Variants in PAN3 observed in about 807,000 individuals in gnomAD.
PAN3 encodes poly(A) specific ribonuclease subunit PAN3, also known as PAN2-PAN3 deadenylation complex subunit PAN3.
A neutral mutation model predicts 96.2 loss-of-function variants in PAN3; 19 were observed. That is an observed-to-expected ratio of 0.20 (90% CI 0.14 to 0.29). The LOEUF is 0.29. Among genes scored for constraint, PAN3 ranks in the 10% least tolerant of loss-of-function variants. The pLI is 1.00. For synonymous variants in PAN3, 433 were observed against 406.6 expected (o/e 1.06, Z -0.78); for missense variants, 882 against 1,108.1 (o/e 0.80, Z 2.90).
At chr13:28,215,009 G>T in intron 5 of PAN3, 1 of 1,247,922 alleles carries the variant, frequency 8.0e-7, no homozygotes, top group South Asian at 1.2e-5. Context: ...ACAGCCAGAA[G>T]AGATATGAGG....
chr13:28,261,435 A>G lies in PAN3; in HGVS notation c.1388A>G (p.Gln463Arg). ...LINRHLITMA[Q>R]IDQADMPAVP... ...AACAGACATTTAATAACAATGGCTC[A>G]AATTGATCAAGCAGATATGCCAGGT... is the stretch of plus-strand genomic sequence containing the variant. Residue 463 changes from glutamine to arginine, a missense_variant, in exon 9 of 19, where the codon CAA becomes CGA. Gln to Arg is a conservative substitution (Grantham distance 43, BLOSUM62 1). Transcript: ENST00000380958. 1 of 1,611,192 alleles carries G rather than the reference A, an allele frequency of 6.2e-7. No individual in the cohort carries two copies. The highest frequency in any genetic ancestry group is 1.1e-5 in the South Asian group (1 of 90,694).
At chr13:28,211,765 A>G (rs1421340316) in intron 5 of PAN3, among the ~76,000 whole-genome samples, 1 of 152,240 alleles carries the variant, frequency 6.6e-6, no homozygotes, top group Non-Finnish European at 1.5e-5. Flanking sequence ...GAACAAAAAC[A>G]TATGTAACAG....
At chr13:28,211,455 C>T (rs769728655) in intron 5 of PAN3, among the ~76,000 whole-genome samples, 1 of 152,076 alleles carries the variant, frequency 6.6e-6, no homozygotes, top group Non-Finnish European at 1.5e-5. Context: ...TTGAACTGTG[C>T]GTGTGACATG....
intron 1 of PAN3, among the ~76,000 whole-genome samples, chr13:28,165,093 A>G (rs1387683114): frequency 6.6e-6 from 1 of 152,118 alleles, no homozygotes; most frequent in East Asian, 1.9e-4. Context: ...TTTTTAGTAG[A>G]GACGGGGTTT....
chr13:28,184,376 G>C (rs1876192577), intron 4 of PAN3, among the ~76,000 whole-genome samples: 1 of 152,100 alleles, frequency 6.6e-6, no homozygotes, highest in Admixed American at 6.6e-5. Context: ...AAGTTTGAGA[G>C]ATCAAGTAAT....
intron 1 of PAN3, among the ~76,000 whole-genome samples, chr13:28,149,654 C>G (rs779741553): frequency 6.6e-6 from 1 of 152,108 alleles, no homozygotes; most frequent in Non-Finnish European, 1.5e-5. Context: ...CTCTGTCACC[C>G]AGGCTATAGT....
chr13:28,190,321 C>T (rs1296666404), intron 4 of PAN3, among the ~76,000 whole-genome samples: 1 of 152,124 alleles, frequency 6.6e-6, no homozygotes, highest in Admixed American at 6.5e-5. Context: ...TAGCCCACTG[C>T]AGCTTTGAAT....
In PAN3 at chr13:28,293,866, T is replaced by G. The variant is rs2138785196; in HGVS notation, c.*1344T>G. 1 of 152,758 alleles carries G rather than the reference T, an allele frequency of 6.5e-6. No individual in the cohort carries two copies. The highest frequency in any genetic ancestry group is 2.1e-4 in the South Asian group (1 of 4,828). The allele number at this position is 152,758 out of a possible 1,614,324, so 9.5% of individuals were successfully genotyped here. ...AAGACTATATCTCCTTTCCCAGCAC[T>G]GAATGTTTTACTAGCACTGGGTGCT... is the stretch of plus-strand genomic sequence containing the variant. On this transcript the variant is annotated 3_prime_UTR_variant, in exon 19 of 19. Coordinates refer to ENST00000380958, the MANE Select transcript of PAN3 (RefSeq NM_175854.8).
At chr13:28,247,734 A>G (rs2138537439) in intron 6 of PAN3, among the ~76,000 whole-genome samples, 1 of 152,268 alleles carries the variant, frequency 6.6e-6, no homozygotes, top group Non-Finnish European at 1.5e-5. Context: ...TTAGTTGCCT[A>G]TAAATATGTG....
intron 5 of PAN3, among the ~76,000 whole-genome samples, chr13:28,212,465 C>T (rs1020718020): frequency 1.3e-5 from 2 of 151,988 alleles, no homozygotes; most frequent in African/African-American, 4.8e-5. Context: ...ATTAAAAGTA[C>T]CAGACAGGCA....
chr13:28,209,751 T>TCCTG lies in PAN3; in HGVS notation c.853-10460_853-10457dup, dbSNP rs145678094. 6.7e-4 allele frequency among the ~76,000 whole-genome samples: 102 copies of TCCTG among 152,044 alleles called. 3 individuals carry two copies. Among genetic ancestry groups the TCCTG allele is most frequent in the East Asian group, 3.9e-4 (2 of 5,170 alleles). On this transcript the variant is annotated intron_variant, in intron 5 of 18. Transcript: ENST00000380958. ...TCCCGTCTCCTCCCGTTTTTCTCCTTCCTGCCTGCCTGCCTGCCTGCCTTT... is the reference window on the plus strand; with the variant it reads ...TCCCGTCTCCTCCCGTTTTTCTCCTTCCTGCCTGCCTGCCTGCCTGCCTGCCTTT...
At chr13:28,197,158 C>T (rs770605658) in intron 4 of PAN3, 27 bp from the exon 5 acceptor site, 17 of 1,605,598 alleles carry the variant, frequency 1.1e-5, no homozygotes, top group Non-Finnish European at 1.4e-5. Flanking sequence ...TTAGGAGTGG[C>T]CTGGTTTCTT....
At chr13:28,288,860 T>TCACG (rs1317161153) in intron 18 of PAN3, among the ~76,000 whole-genome samples, 1 of 133,838 alleles carries the variant, frequency 7.5e-6, no homozygotes, top group African/African-American at 2.9e-5. Flanking sequence ...AGACGGAGTC[T>TCACG]CTGTCACCCA....
At chr13:28,215,139 C>T (rs1056745117) in intron 5 of PAN3, 3 of 750,176 alleles carry the variant, frequency 4.0e-6, no homozygotes, top group South Asian at 3.0e-5. Context: ...TGCTAACATG[C>T]CTTGGTTCAA....
intron 1 of PAN3, among the ~76,000 whole-genome samples, chr13:28,170,309 G>C (rs774077332): frequency 6.6e-6 from 1 of 152,148 alleles, no homozygotes; most frequent in Non-Finnish European, 1.5e-5. Flanking sequence ...TTATTAAAAG[G>C]TGGGAACTTT....
chr13:28,252,183 G>A (rs958856718), intron 6 of PAN3, among the ~76,000 whole-genome samples: 11 of 142,252 alleles, frequency 7.7e-5, no homozygotes, highest in East Asian at 2.0e-4. Context: ...CCACTGCGAC[G>A]GGCCCTTTTT....
chr13:28,138,876 C>A lies in PAN3; in HGVS notation c.219C>A (p.Ala73=). Residue 73 remains alanine, a synonymous_variant, in exon 1 of 19, where the codon GCC becomes GCA. Transcript: ENST00000380958. ...AGTTCCTGCATGAGGACCCTGCCGC[C>A]GGGGCTGCCCCGGGCCTCGGCCTCC... ...ECQFLHEDPA[A]GAAPGLGLHS... The A allele has an allele frequency of 7.0e-7, 1 of 1,418,752 alleles. No homozygotes were observed. The highest frequency in any genetic ancestry group is 1.6e-5 in the South Asian group (1 of 63,414). 87.9% of individuals were successfully genotyped at this position (1,418,752 alleles called of 1,614,324 possible).
intron 4 of PAN3, among the ~76,000 whole-genome samples, chr13:28,178,724 G>A (rs536175527): frequency 3.3e-5 from 5 of 152,066 alleles, no homozygotes; most frequent in African/African-American, 9.6e-5. Flanking sequence ...CAGAAATGAA[G>A]ATAAAATATT....
At chr13:28,152,704 A>G (rs1871525007) in intron 1 of PAN3, among the ~76,000 whole-genome samples, 2 of 152,214 alleles carry the variant, frequency 1.3e-5, no homozygotes, top group African/African-American at 4.8e-5. Flanking sequence ...TTAGGTTAGC[A>G]TGGAGCTGAA....
Sources: gnomAD v4.1 joint callset for allele counts (sites outside exome capture counted in the v4.1 genomes callset) on GRCh38, gnomAD v4.1.1 for gene constraint, MANE v1.5 for transcripts, NCBI Gene and HGNC (gene_info 2026-07-23, HGNC 2026-07-21) for gene names.